The following RASGRP3 variants were observed in gnomAD, a reference collection of about 807,000 sequenced individuals.
The protein encoded by RASGRP3 is RAS guanyl releasing protein 3, also known as ras guanyl-releasing protein 3.
RASGRP3 carries 54 observed loss-of-function variants against 82.7 expected under a neutral mutation model. The observed-to-expected ratio is 0.65, with a 90% CI of 0.52 to 0.82. The LOEUF is 0.82. RASGRP3 is among the 40% of genes least tolerant of loss of function. The pLI is 0.00. For synonymous variants in RASGRP3, 309 were observed against 300.5 expected (o/e 1.03, Z -0.29); for missense variants, 861 against 828.9 (o/e 1.04, Z -0.48).
At chr2:33,486,231 C>G (rs1235825610) in intron 1 of RASGRP3, among the ~76,000 whole-genome samples, 1 of 149,270 alleles carries the variant, frequency 6.7e-6, no homozygotes, top group Admixed American at 6.7e-5. Flanking sequence ...GTGGCACAAT[C>G]TTGGCTCACT....
At chr2:33,545,280 G>A (rs1674627927) in intron 13 of RASGRP3, among the ~76,000 whole-genome samples, 1 of 152,162 alleles carries the variant, frequency 6.6e-6, no homozygotes, top group Admixed American at 6.6e-5. Context: ...AGTTTTGAGT[G>A]GTTAATACTG....
At chr2:33,470,055 C>G in intron 2 of RASGRP3, among the ~76,000 whole-genome samples, 1 of 152,252 alleles carries the variant, frequency 6.6e-6, no homozygotes. Flanking sequence ...TACCTAATAT[C>G]TCCCTTGTGG....
intron 2 of RASGRP3, among the ~76,000 whole-genome samples, chr2:33,461,320 C>A (rs1362259549): frequency 6.6e-6 from 1 of 152,200 alleles, no homozygotes; most frequent in Non-Finnish European, 1.5e-5. Context: ...TCTCTGTCAC[C>A]TAGGCTGGAG....
intron 2 of RASGRP3, among the ~76,000 whole-genome samples, chr2:33,464,253 G>C (rs1267765192): frequency 6.7e-6 from 1 of 149,700 alleles, no homozygotes; most frequent in Admixed American, 6.7e-5. Context: ...CAAGTAGCTG[G>C]GATTATAGGG....
chr2:33,546,858 G>A (rs1283747393), intron 13 of RASGRP3, among the ~76,000 whole-genome samples: 1 of 152,026 alleles, frequency 6.6e-6, no homozygotes, highest in Non-Finnish European at 1.5e-5. Context: ...ACCTGAGTCG[G>A]GAGCTCGAGA....
At chr2:33,461,641 A>G (rs1392725107) in intron 2 of RASGRP3, among the ~76,000 whole-genome samples, 5 of 152,246 alleles carry the variant, frequency 3.3e-5, no homozygotes, top group Admixed American at 1.3e-4. Context: ...TGATCTACAA[A>G]TAAGAAATCT....
chr2:33,448,924 T>G (rs1665642426), intron 2 of RASGRP3, among the ~76,000 whole-genome samples: 1 of 152,228 alleles, frequency 6.6e-6, no homozygotes, highest in Non-Finnish European at 1.5e-5. Flanking sequence ...TTTAAAGAAA[T>G]CCCTCTGGGA....
chr2:33,472,334 G>GT (rs1453242958), upstream of RASGRP3, among the ~76,000 whole-genome samples: 2 of 152,222 alleles, frequency 1.3e-5, no homozygotes, highest in Non-Finnish European at 2.9e-5. Context: ...GGCAGCTAGA[G>GT]TGGGAGTGAA....
At chr2:33,485,929 C>A (rs894201890) in intron 1 of RASGRP3, among the ~76,000 whole-genome samples, 1 of 152,186 alleles carries the variant, frequency 6.6e-6, no homozygotes, top group Admixed American at 6.5e-5. Flanking sequence ...CTATTTGGAA[C>A]ACCATCTCAC....
rs372573401 is a variant in RASGRP3 at position 33,470,570 on chromosome 2, A to G, written c.-261+22627A>G. 7.1e-3 allele frequency among the ~76,000 whole-genome samples: 1,084 copies of G among 151,866 alleles called. 13 individuals are homozygous for G. The highest frequency in any genetic ancestry group is 0.025 in the African/African-American group (1,041 of 41,430). ...AATTTTTTGTATTTTTAGTAGAGAC[A>G]GGGTTTCACCGTGTTAGCCAGGATA... On this transcript the variant is annotated intron_variant, in intron 2 of 18. Transcript: ENST00000402538.
intron 2 of RASGRP3, among the ~76,000 whole-genome samples, chr2:33,468,151 TA>T (rs1241651347): frequency 6.6e-6 from 1 of 151,846 alleles, no homozygotes; most frequent in South Asian, 2.1e-4. Flanking sequence ...AAGATCTCAT[TA>T]AAAAATGAAC....
chr2:33,480,693 T>A (rs1038997728), intron 1 of RASGRP3, among the ~76,000 whole-genome samples: 1 of 152,228 alleles, frequency 6.6e-6, no homozygotes, highest in Non-Finnish European at 1.5e-5. Flanking sequence ...CAATTGTGTG[T>A]TTCAAAGACA....
At chr2:33,528,396 C>T (rs373550416) in intron 10 of RASGRP3, among the ~76,000 whole-genome samples, 78 of 152,302 alleles carry the variant, frequency 5.1e-4, no homozygotes, top group Non-Finnish European at 6.3e-4. Flanking sequence ...TTAGACACAA[C>T]GGTGTATAGA....
At chr2:33,506,574 G>T (rs6738641) in intron 1 of RASGRP3, among the ~76,000 whole-genome samples, 3 of 152,000 alleles carry the variant, frequency 2.0e-5, no homozygotes, top group African/African-American at 4.8e-5. Flanking sequence ...TAAAATCCAG[G>T]ACAATGTTGA....
At chr2:33,557,704 C>T (rs1281290141) in intron 15 of RASGRP3, among the ~76,000 whole-genome samples, 2 of 146,014 alleles carry the variant, frequency 1.4e-5, no homozygotes, top group Middle Eastern at 3.5e-3. Flanking sequence ...AGCGAGACTC[C>T]ATCTCGAAAA....
chr2:33,529,762 T>A (rs1265598125), intron 10 of RASGRP3, among the ~76,000 whole-genome samples: 1 of 152,148 alleles, frequency 6.6e-6, no homozygotes, highest in Non-Finnish European at 1.5e-5. Context: ...TGGCTTTTTT[T>A]AAACAAGGGT....
At chr2:33,484,143 A>G (rs1668167036) in intron 1 of RASGRP3, among the ~76,000 whole-genome samples, 1 of 152,228 alleles carries the variant, frequency 6.6e-6, no homozygotes, top group Admixed American at 6.5e-5. Flanking sequence ...TTGGGAAGAT[A>G]CCAGGAGGAA....
intron 2 of RASGRP3, among the ~76,000 whole-genome samples, chr2:33,456,493 T>C (rs564534295): frequency 6.6e-6 from 1 of 152,350 alleles, no homozygotes; most frequent in East Asian, 1.9e-4. Flanking sequence ...TTTAACAAAG[T>C]CTAATATTAA....
intron 1 of RASGRP3, among the ~76,000 whole-genome samples, chr2:33,478,985 A>G (rs1001144066): frequency 6.6e-6 from 1 of 152,292 alleles, no homozygotes; most frequent in South Asian, 2.1e-4. Context: ...GACAGGAGGG[A>G]CACCCTTAGT....
Sources: allele counts gnomAD v4.1 joint callset (sites outside exome capture counted in the v4.1 genomes callset), GRCh38; gene constraint gnomAD v4.1.1; transcripts MANE v1.5; gene names NCBI Gene and HGNC (gene_info 2026-07-23, HGNC 2026-07-21).